The following UTS2 variants were observed in gnomAD, a reference collection of about 807,000 sequenced individuals.
UTS2 encodes urotensin-2.
Under a neutral mutation model 12.6 loss-of-function variants are expected in UTS2, and 10 were observed. The observed-to-expected ratio is 0.80, with a 90% CI of 0.49 to 1.35. The LOEUF (loss-of-function observed/expected upper bound fraction) is 1.35, where lower values mean the gene tolerates loss of function less well. Among genes scored for constraint, UTS2 ranks in the 40% most tolerant of loss-of-function variants. UTS2 has a pLI of 0.00. For missense variants in UTS2, 142 were observed against 143.2 expected (o/e 0.99, Z 0.04); for synonymous variants, 52 against 50.0 (o/e 1.04, Z -0.17).
At chr1:7,891,576 G>GAAAGAAAA in the UTS2 span, among the ~76,000 whole-genome samples, 114 of 150,690 alleles carry the variant, frequency 7.6e-4, 1 homozygote, top group African/African-American at 2.7e-3. Flanking sequence ...AAGAAAGAAA[G>GAAAGAAAA]AAAGAAAGAA....
At chr1:7,911,382 T>C in the UTS2 span, among the ~76,000 whole-genome samples, 8 of 151,914 alleles carry the variant, frequency 5.3e-5, no homozygotes, top group Non-Finnish European at 1.2e-4. Flanking sequence ...GAGCATTTAC[T>C]GGGTGCTTGA....
At chr1:7,876,104 A>G in the UTS2 span, among the ~76,000 whole-genome samples, 9 of 152,148 alleles carry the variant, frequency 5.9e-5, no homozygotes, top group Non-Finnish European at 1.5e-5. Flanking sequence ...TCCAGAGGTC[A>G]GGGGATTGAT....
the UTS2 span, among the ~76,000 whole-genome samples, chr1:7,896,639 T>C: frequency 6.6e-6 from 1 of 152,126 alleles, no homozygotes; most frequent in African/African-American, 2.4e-5. Context: ...TGCCAGATGC[T>C]AGACTTTTTT....
At chr1:7,898,514 C>T in the UTS2 span, among the ~76,000 whole-genome samples, 35,268 of 151,366 alleles carry the variant, frequency 0.23, 5,183 homozygotes, top group East Asian at 0.66. Context: ...CTCACTCTGT[C>T]GCCCAGGCTG....
At chr1:7,896,083 G>A in the UTS2 span, among the ~76,000 whole-genome samples, 1 of 152,180 alleles carries the variant, frequency 6.6e-6, no homozygotes, top group African/African-American at 2.4e-5. Flanking sequence ...AAATGCTCCT[G>A]AAAATGCTTC....
chr1:7,853,254 G>A (rs1041385595), upstream of UTS2: 19 of 1,608,020 alleles, frequency 1.2e-5, no homozygotes, highest in Non-Finnish European at 1.6e-5. Context: ...GTACAAAGTA[G>A]GTATTATATA....
At chr1:7,912,420 T>C in the UTS2 span, among the ~76,000 whole-genome samples, 1 of 151,630 alleles carries the variant, frequency 6.6e-6, no homozygotes, top group Non-Finnish European at 1.5e-5. Context: ...ATTGGGAACC[T>C]GGGCAGGAAC....
At chr1:7,849,615 C>A in intron 3 of UTS2, 25 bp downstream of exon 3, 1 of 1,592,658 alleles carries the variant, frequency 6.3e-7, no homozygotes, top group South Asian at 1.1e-5. Flanking sequence ...CTTTTTAAAC[C>A]TAACTCATAA....
the UTS2 span, among the ~76,000 whole-genome samples, chr1:7,891,149 T>C: frequency 5.9e-5 from 9 of 152,204 alleles, no homozygotes; most frequent in East Asian, 1.9e-4. Context: ...AAAGAACTCA[T>C]AGAAGCAGAG....
At chr1:7,907,794 C>T in the UTS2 span, among the ~76,000 whole-genome samples, 1 of 152,148 alleles carries the variant, frequency 6.6e-6, no homozygotes, top group Non-Finnish European at 1.5e-5. Flanking sequence ...AAAAGAAATA[C>T]ACAATTATCA....
chr1:7,891,988 C>T, the UTS2 span, among the ~76,000 whole-genome samples: 1 of 152,158 alleles, frequency 6.6e-6, no homozygotes, highest in African/African-American at 2.4e-5. Flanking sequence ...CGTGTATACA[C>T]ACGTGCCAGC....
the UTS2 span, among the ~76,000 whole-genome samples, chr1:7,899,609 G>C: frequency 6.6e-6 from 1 of 152,094 alleles, no homozygotes; most frequent in African/African-American, 2.4e-5. Context: ...CCAGGCTCAG[G>C]TGATCCTCAC....
In UTS2 at chr1:7,847,859, A is replaced by C; in HGVS notation, c.282T>G (p.Asp94Glu). 3.1e-6 allele frequency: 5 copies of C among 1,613,120 alleles called. No homozygotes were observed. The highest frequency in any genetic ancestry group is 2.7e-5 in the African/African-American group (2 of 74,964). The change falls in exon 4 of 4, where the codon GAT becomes GAG. Residue 94 changes from aspartate (D) to glutamate (E), a missense_variant. By Grantham distance (45) the Asp-to-Glu change is conservative. Coordinates refer to ENST00000361696, the MANE Select transcript of UTS2 (RefSeq NM_006786.4). ...AAAGATGACTCAGTAAAATGTTAGG[A>C]TCTTGTCCAGAGAAATCCTGAAACT... ...LRKFQDFSGQ[D>E]PNILLSHLLA... is the part of the protein sequence containing the mutation.
chr1:7,896,246 G>A, the UTS2 span, among the ~76,000 whole-genome samples: 1 of 151,206 alleles, frequency 6.6e-6, no homozygotes, highest in East Asian at 1.9e-4. Flanking sequence ...GTGGGGAAGG[G>A]ATGTTTATCC....
the UTS2 span, among the ~76,000 whole-genome samples, chr1:7,885,130 T>TCATCCATCCATC: frequency 0.01 from 1,544 of 150,308 alleles, 20 homozygotes; most frequent in East Asian, 0.063. Flanking sequence ...CACCCACCTA[T>TCATCCATCCATC]CATCCATCCA....
chr1:7,874,401 G>A, the UTS2 span, among the ~76,000 whole-genome samples: 8 of 152,130 alleles, frequency 5.3e-5, no homozygotes, highest in Admixed American at 2.6e-4. Context: ...ACCCCATCCC[G>A]CCCTGGGGCT....
the UTS2 span, among the ~76,000 whole-genome samples, chr1:7,892,783 G>A: frequency 1.1e-4 from 17 of 151,950 alleles, no homozygotes; most frequent in African/African-American, 2.7e-4. Flanking sequence ...CACCTCGCCC[G>A]GCCCCACCTT....
chr1:7,853,961 G>A (rs542304887), upstream of UTS2, among the ~76,000 whole-genome samples: 1 of 152,330 alleles, frequency 6.6e-6, no homozygotes, highest in East Asian at 1.9e-4. Context: ...CAGGCACGGT[G>A]GCTCATGCCT....
the UTS2 span, among the ~76,000 whole-genome samples, chr1:7,908,081 C>T: frequency 4.6e-5 from 7 of 151,960 alleles, no homozygotes; most frequent in Non-Finnish European, 8.8e-5. Flanking sequence ...AGTGGATCAC[C>T]TGAGGTCAGG....
Sources: allele counts gnomAD v4.1 joint callset (sites outside exome capture counted in the v4.1 genomes callset), GRCh38; gene constraint gnomAD v4.1.1; transcripts MANE v1.5; gene names NCBI Gene and HGNC (gene_info 2026-07-23, HGNC 2026-07-21).